Variants in MINDY2 observed in about 807,000 individuals in gnomAD.
MINDY2 encodes ubiquitin carboxyl-terminal hydrolase MINDY-2.
A neutral mutation model predicts 68.2 loss-of-function variants in MINDY2; 52 were observed. That is an observed-to-expected ratio of 0.76 (90% CI 0.61 to 0.96). MINDY2 has a LOEUF of 0.96. Ranked by LOEUF, MINDY2 falls within the 40% of genes least tolerant of loss-of-function variation. The pLI, the probability that MINDY2 is intolerant of heterozygous loss-of-function variation, is 0.00. For missense variants in MINDY2, 881 were observed against 773.4 expected (o/e 1.14, Z -1.65); for synonymous variants, 372 against 303.0 (o/e 1.23, Z -2.36).
intron 3 of MINDY2, among the ~76,000 whole-genome samples, chr15:58,806,336 C>T (rs563248626): frequency 2.7e-5 from 4 of 149,556 alleles, no homozygotes; most frequent in South Asian, 2.1e-4. Context: ...GCATTACAGG[C>T]GTGAGTCAAC....
chr15:58,804,469 C>A (rs1218937875), intron 3 of MINDY2, among the ~76,000 whole-genome samples: 1 of 152,114 alleles, frequency 6.6e-6, no homozygotes, highest in Non-Finnish European at 1.5e-5. Context: ...CTTTCGTTGC[C>A]TAATCCTGAG....
At chr15:58,783,789 C>T (rs1048770527) in intron 1 of MINDY2, among the ~76,000 whole-genome samples, 4 of 151,912 alleles carry the variant, frequency 2.6e-5, no homozygotes, top group African/African-American at 9.7e-5. Context: ...ACAAAAAATA[C>T]AAAAAATTAG....
At chr15:58,833,225 A>G (rs1449654674) in intron 6 of MINDY2, among the ~76,000 whole-genome samples, 1 of 152,200 alleles carries the variant, frequency 6.6e-6, no homozygotes, top group Non-Finnish European at 1.5e-5. Flanking sequence ...ATAAAAATAC[A>G]AGATATGTTC....
At position 58,771,381 on chromosome 15, in the gene MINDY2, G is replaced by A. The variant is rs1461671703; in HGVS notation, c.-15G>A. On this transcript the variant is annotated 5_prime_UTR_variant, in exon 1 of 9. Coordinates refer to ENST00000559228, the MANE Select transcript of MINDY2 (RefSeq NM_001040450.3). Reference sequence around the variant, plus strand: ...TGGCCGCGGTCTCCATAGAGCTGGGGGCGGGCGGCCCGGTATGGAGAGCAG... The same window carrying A: ...TGGCCGCGGTCTCCATAGAGCTGGGAGCGGGCGGCCCGGTATGGAGAGCAG... 14 of 1,596,952 alleles carry A rather than the reference G, an allele frequency of 8.8e-6. No homozygotes were observed. Among genetic ancestry groups the A allele is most frequent in the East Asian group, 2.3e-5 (1 of 44,154 alleles).
chr15:58,839,158 T>C (rs1243837334), intron 6 of MINDY2, among the ~76,000 whole-genome samples: 1 of 152,120 alleles, frequency 6.6e-6, no homozygotes, highest in Non-Finnish European at 1.5e-5. Flanking sequence ...ATCCAGAGTC[T>C]TTTGGAATTC....
At chr15:58,845,168 G>A (rs1238150618) in intron 6 of MINDY2, among the ~76,000 whole-genome samples, 1 of 151,934 alleles carries the variant, frequency 6.6e-6, no homozygotes, top group African/African-American at 2.4e-5. Context: ...CACTTTGGGA[G>A]GCCCAGGTGG....
intron 3 of MINDY2, among the ~76,000 whole-genome samples, chr15:58,804,490 T>C (rs1244911335): frequency 6.6e-6 from 1 of 152,066 alleles, no homozygotes; most frequent in Non-Finnish European, 1.5e-5. Context: ...AAAATCTTGA[T>C]TGAAATGAGA....
chr15:58,797,247 C>G (rs548525268), intron 2 of MINDY2, among the ~76,000 whole-genome samples: 1 of 152,078 alleles, frequency 6.6e-6, no homozygotes, highest in Non-Finnish European at 1.5e-5. Context: ...TGGCTCATGC[C>G]TTTTATCCCA....
chr15:58,845,738 T>C (rs1191439071), intron 6 of MINDY2, among the ~76,000 whole-genome samples: 3 of 152,202 alleles, frequency 2.0e-5, no homozygotes, highest in African/African-American at 7.2e-5. Context: ...CAAAGAGATA[T>C]CTGCACTCCC....
At chr15:58,803,661 C>T (rs906055578) in intron 3 of MINDY2, among the ~76,000 whole-genome samples, 1 of 151,638 alleles carries the variant, frequency 6.6e-6, no homozygotes, top group African/African-American at 2.4e-5. Context: ...ACTAAAAATA[C>T]AAAAATTGGC....
chr15:58,832,713 G>A (rs1177882155), intron 6 of MINDY2, among the ~76,000 whole-genome samples: 1 of 150,358 alleles, frequency 6.7e-6, no homozygotes, highest in East Asian at 1.9e-4. Flanking sequence ...TTTTAGTAGA[G>A]ACAGGGTTTC....
chr15:58,787,504 G>T (rs1044158802), intron 1 of MINDY2, among the ~76,000 whole-genome samples: 3 of 151,854 alleles, frequency 2.0e-5, no homozygotes, highest in Non-Finnish European at 2.9e-5. Flanking sequence ...TTGGGAGGCC[G>T]AGGCAGGTGG....
At chr15:58,823,552 G>A (rs2031204809) in intron 5 of MINDY2, among the ~76,000 whole-genome samples, 1 of 151,726 alleles carries the variant, frequency 6.6e-6, no homozygotes. Context: ...CTAGCTCCAC[G>A]TACTTGGGAG....
At chr15:58,782,055 G>C (rs528411827) in intron 1 of MINDY2, among the ~76,000 whole-genome samples, 2 of 152,146 alleles carry the variant, frequency 1.3e-5, no homozygotes, top group African/African-American at 4.8e-5. Context: ...ATGTGTAATA[G>C]CTTATAATAC....
At chr15:58,812,853 G>T (rs1188402005) in intron 4 of MINDY2, among the ~76,000 whole-genome samples, 2 of 152,130 alleles carry the variant, frequency 1.3e-5, no homozygotes, top group Non-Finnish European at 2.9e-5. Context: ...GCGAGACCCT[G>T]TCTCAAAATA....
chr15:58,847,887 C>A (rs568614119), intron 7 of MINDY2, among the ~76,000 whole-genome samples: 1 of 152,176 alleles, frequency 6.6e-6, no homozygotes, highest in South Asian at 2.1e-4. Context: ...AAGAGATGAG[C>A]ACATATCTGA....
rs545620364 is a variant in MINDY2, at chr15:58,824,341, C to T, written c.1225+2522C>T. On this transcript the variant is annotated intron_variant, in intron 5 of 8. Transcript: ENST00000559228. ...TTTAGGAAGAACATCATGGTGAAAG[C>T]AAAGAAAGAAACCCTCTAAAATGGT... Among the ~76,000 whole-genome samples, 107 of 152,126 alleles carry T rather than the reference C, an allele frequency of 7.0e-4. 1 individual carries two copies. Among genetic ancestry groups the T allele is most frequent in the African/African-American group, 2.5e-3 (103 of 41,514 alleles).
chr15:58,833,074 C>G (rs1193242055), intron 6 of MINDY2, among the ~76,000 whole-genome samples: 1 of 152,102 alleles, frequency 6.6e-6, no homozygotes, highest in African/African-American at 2.4e-5. Flanking sequence ...CTCTTATAGC[C>G]ATTCTTTTTG....
chr15:58,809,029 A>C (rs1447907450), intron 3 of MINDY2, among the ~76,000 whole-genome samples: 1 of 152,194 alleles, frequency 6.6e-6, no homozygotes, highest in African/African-American at 2.4e-5. Context: ...TGGGTAACAT[A>C]GTGAGACCCC....
Sources: gnomAD v4.1 joint callset for allele counts (sites outside exome capture counted in the v4.1 genomes callset) on GRCh38, gnomAD v4.1.1 for gene constraint, MANE v1.5 for transcripts, NCBI Gene and HGNC (gene_info 2026-07-23, HGNC 2026-07-21) for gene names.